ZBTB20: variants seen among roughly 807,000 people sequenced by gnomAD.
ZBTB20 encodes the protein zinc finger and BTB domain-containing protein 20.
In ZBTB20, 9 loss-of-function variants were observed where a neutral mutation model predicts 56.9. That is an observed-to-expected ratio of 0.16 (90% CI 0.10 to 0.28). The LOEUF is 0.28. ZBTB20 is among the 10% of genes least tolerant of loss of function. The pLI is 1.00. For synonymous variants in ZBTB20, 417 were observed against 420.7 expected (o/e 0.99, Z 0.11); for missense variants, 655 against 1,003.0 (o/e 0.65, Z 4.69).
intron 1 of ZBTB20, among the ~76,000 whole-genome samples, chr3:115,123,774 G>A (rs943075195): frequency 3.9e-5 from 6 of 152,094 alleles, no homozygotes; most frequent in African/African-American, 1.4e-4. Flanking sequence ...TCCAAGACTG[G>A]CTTTGATGCT....
At chr3:114,471,565 G>A (rs567482642) in intron 7 of ZBTB20, among the ~76,000 whole-genome samples, 28 of 152,310 alleles carry the variant, frequency 1.8e-4, no homozygotes, top group African/African-American at 6.5e-4. Context: ...ATATATGGGG[G>A]TGTCATGTCA....
chr3:114,399,320 A>G (rs1272339629), intron 7 of ZBTB20, among the ~76,000 whole-genome samples: 4 of 152,186 alleles, frequency 2.6e-5, no homozygotes, highest in Admixed American at 6.6e-5. Flanking sequence ...CAAACAAAAA[A>G]TTTAATAAAA....
At chr3:114,618,940 T>G (rs2058122257) in intron 6 of ZBTB20, among the ~76,000 whole-genome samples, 1 of 152,206 alleles carries the variant, frequency 6.6e-6, no homozygotes, top group Non-Finnish European at 1.5e-5. Flanking sequence ...TTTATGTCTT[T>G]CCATATTAGG....
At chr3:114,765,615 A>G (rs1420320408) in intron 5 of ZBTB20, among the ~76,000 whole-genome samples, 1 of 152,136 alleles carries the variant, frequency 6.6e-6, no homozygotes, top group Non-Finnish European at 1.5e-5. Flanking sequence ...AAACAACCCA[A>G]TTTATGATAT....
At chr3:115,092,288 T>C (rs978458428) in intron 1 of ZBTB20, among the ~76,000 whole-genome samples, 3 of 152,080 alleles carry the variant, frequency 2.0e-5, no homozygotes, top group African/African-American at 7.2e-5. Context: ...AACTCATGCA[T>C]CAGTTACTTG....
chr3:114,428,821 T>C (rs564528448), intron 7 of ZBTB20, among the ~76,000 whole-genome samples: 74 of 152,330 alleles, frequency 4.9e-4, no homozygotes, highest in African/African-American at 1.7e-3. Flanking sequence ...TTTACCTTAG[T>C]GATCTTTTAG....
intron 5 of ZBTB20, among the ~76,000 whole-genome samples, chr3:114,777,307 C>A (rs2069678151): frequency 1.3e-5 from 2 of 152,210 alleles, no homozygotes; most frequent in East Asian, 3.9e-4. Context: ...GACTTCAAGA[C>A]CAGCCTGACT....
intron 2 of ZBTB20, among the ~76,000 whole-genome samples, chr3:115,063,181 A>G (rs1392553324): frequency 6.6e-6 from 1 of 152,220 alleles, no homozygotes; most frequent in Non-Finnish European, 1.5e-5. Context: ...TATACACTTC[A>G]TCATGAGTTA....
intron 5 of ZBTB20, among the ~76,000 whole-genome samples, chr3:114,782,055 A>G (rs1218329550): frequency 6.6e-6 from 1 of 152,220 alleles, no homozygotes; most frequent in Admixed American, 6.5e-5. Context: ...AGCAGGATGC[A>G]TACATCTTCT....
chr3:114,725,662 G>C (rs374432477), intron 5 of ZBTB20, among the ~76,000 whole-genome samples: 1 of 152,192 alleles, frequency 6.6e-6, no homozygotes, highest in South Asian at 2.1e-4. Context: ...CGAAATCCCA[G>C]AAATGTGTTT....
intron 2 of ZBTB20, among the ~76,000 whole-genome samples, chr3:115,014,363 G>A (rs999579001): frequency 6.6e-6 from 1 of 151,366 alleles, no homozygotes; most frequent in Non-Finnish European, 1.5e-5. Context: ...ACAATGGAAT[G>A]GCTATAGTCA....
Position 114,339,084 on chromosome 3 carries a change from A to G in ZBTB20, c.2147T>C (p.Val716Ala), listed in dbSNP as rs2079569028. ...VVACTEGTTY[V>A]CSVCPAKFDQ... Reference sequence around the variant, plus strand: ...AAACTTTGCTGGGCAGACGGAGCAGACGTAAGTGGTCCCCTCCGTGCAGGC... The same window carrying G: ...AAACTTTGCTGGGCAGACGGAGCAGGCGTAAGTGGTCCCCTCCGTGCAGGC... Residue 716 changes from valine to alanine, a missense_variant, in exon 12 of 12, where the codon GTC becomes GCC. Physicochemically the swap from Val to Ala is moderately conservative, Grantham distance 64 (BLOSUM62 0). This residue lies in a region of ZBTB20 where 89 missense variants were observed against 79.7 expected (regional missense o/e 1.12). Coordinates refer to ENST00000675478, the MANE Select transcript of ZBTB20 (RefSeq NM_001348800.3). The surrounding 1 kb of genome is among the most constrained non-coding windows in gnomAD (Gnocchi z 4.2). The G allele has an allele frequency of 1.3e-6, 2 of 1,584,222 alleles. No homozygotes were observed. The highest frequency in any genetic ancestry group is 8.6e-7 in the Non-Finnish European group (1 of 1,163,358).
intron 7 of ZBTB20, among the ~76,000 whole-genome samples, chr3:114,409,031 TA>T (rs1424315846): frequency 1.3e-5 from 2 of 151,598 alleles, no homozygotes. Context: ...CACAGTCAGA[TA>T]TGATTTCATG....
intron 6 of ZBTB20, among the ~76,000 whole-genome samples, chr3:114,540,068 T>G (rs531305648): frequency 1.3e-5 from 2 of 152,038 alleles, no homozygotes; most frequent in Non-Finnish European, 2.9e-5. Context: ...CCTCCCATAC[T>G]CCATGCTCCG....
At chr3:114,370,034 A>G (rs1442730271) in intron 10 of ZBTB20, among the ~76,000 whole-genome samples, 1 of 152,228 alleles carries the variant, frequency 6.6e-6, no homozygotes, top group Non-Finnish European at 1.5e-5. Flanking sequence ...GAGAAGAAGT[A>G]GAGAAAGAAC....
chr3:114,996,913 C>T (rs1013751216), intron 2 of ZBTB20, among the ~76,000 whole-genome samples: 2 of 151,866 alleles, frequency 1.3e-5, no homozygotes, highest in Non-Finnish European at 2.9e-5. Flanking sequence ...TAGAGAAATG[C>T]AAATCAAAAC....
chr3:114,838,851 G>A (rs2074243944), intron 4 of ZBTB20, among the ~76,000 whole-genome samples: 1 of 152,150 alleles, frequency 6.6e-6, no homozygotes, highest in Non-Finnish European at 1.5e-5. Context: ...ATTGGAGTTT[G>A]CCATCAGAGA....
chr3:115,146,876 G>C (rs931300672), intron 1 of ZBTB20, among the ~76,000 whole-genome samples: 2 of 151,404 alleles, frequency 1.3e-5, no homozygotes, highest in Non-Finnish European at 3.0e-5. Context: ...CCAGCTGCGG[G>C]ACGTCCCGCC....
At chr3:114,847,727 T>A (rs996636307) in intron 4 of ZBTB20, among the ~76,000 whole-genome samples, 1 of 152,080 alleles carries the variant, frequency 6.6e-6, no homozygotes, top group Non-Finnish European at 1.5e-5. Flanking sequence ...GTACCTGGAA[T>A]CTGGGAAAAC....
Sources: allele counts gnomAD v4.1 joint callset (sites outside exome capture counted in the v4.1 genomes callset), GRCh38; gene constraint gnomAD v4.1.1; regional missense constraint gnomAD v4.1.1; non-coding constraint Gnocchi (gnomAD v3.1); transcripts MANE v1.5; gene names NCBI Gene and HGNC (gene_info 2026-07-23, HGNC 2026-07-21).